The following AOAH variants were observed in gnomAD, a reference collection of about 807,000 sequenced individuals.
AOAH encodes the protein acyloxyacyl hydrolase.
A neutral mutation model predicts 92.2 loss-of-function variants in AOAH; 64 were observed. That is an observed-to-expected ratio of 0.69 (90% CI 0.57 to 0.86). The LOEUF (loss-of-function observed/expected upper bound fraction) is 0.86, where lower values mean the gene tolerates loss of function less well. Among genes scored for constraint, AOAH ranks in the 40% least tolerant of loss-of-function variants. The pLI is 0.00. For synonymous variants in AOAH, 263 were observed against 254.5 expected, an observed-to-expected ratio of 1.03 and a Z score of -0.32; for missense variants, 656 against 694.6, an observed-to-expected ratio of 0.94 and a Z score of 0.62.
chr7:36,663,078 TA>T (rs34724252), intron 3 of AOAH, among the ~76,000 whole-genome samples: 20,278 of 152,216 alleles, frequency 0.13, 1,533 homozygotes, highest in Middle Eastern at 0.18. Flanking sequence ...TGCAAACTCA[TA>T]GGAACAATTC....
chr7:36,540,230 G>C (rs1440849721), intron 16 of AOAH, 89 bp downstream of exon 16: 2 of 1,237,524 alleles, frequency 1.6e-6, no homozygotes, highest in East Asian at 2.6e-5. Context: ...GGCATTTTAG[G>C]CACATTTCTA....
chr7:36,590,041 C>A (rs1222390123), intron 12 of AOAH, among the ~76,000 whole-genome samples: 4 of 152,014 alleles, frequency 2.6e-5, no homozygotes, highest in African/African-American at 9.7e-5. Context: ...CAATCTCAAA[C>A]TCCTGGGCTC....
intron 16 of AOAH, 52 bp downstream of exon 16, chr7:36,540,267 A>G (rs965785729): frequency 1.4e-6 from 2 of 1,474,016 alleles, no homozygotes; most frequent in Non-Finnish European, 1.8e-6. Context: ...TATACATTGA[A>G]CTGTATATAC....
chr7:36,621,654 C>T (rs1417351745), intron 8 of AOAH, 56 bp downstream of exon 8: 2 of 1,538,160 alleles, frequency 1.3e-6, no homozygotes, highest in East Asian at 2.2e-5. Context: ...AAATGTGCCT[C>T]CTGCTTCCTT....
intron 4 of AOAH, among the ~76,000 whole-genome samples, chr7:36,658,365 C>T (rs1795010447): frequency 1.3e-5 from 2 of 152,088 alleles, no homozygotes; most frequent in African/African-American, 2.4e-5. Flanking sequence ...AGAAAAACTA[C>T]AATTCAAGAA....
At chr7:36,527,979 C>T (rs182513023) in intron 19 of AOAH, among the ~76,000 whole-genome samples, 11 of 152,344 alleles carry the variant, frequency 7.2e-5, no homozygotes, top group South Asian at 4.1e-4. Flanking sequence ...GACACTACCA[C>T]GGTTCCTGAA....
chr7:36,533,149 C>T (rs1784797863), intron 16 of AOAH, among the ~76,000 whole-genome samples: 1 of 152,076 alleles, frequency 6.6e-6, no homozygotes, highest in Admixed American at 6.5e-5. Context: ...TCCAACACCG[C>T]TCCACCCCGC....
intron 9 of AOAH, 69 bp from the exon 10 acceptor site, chr7:36,618,414 C>G: frequency 7.0e-7 from 1 of 1,428,516 alleles, no homozygotes; most frequent in Non-Finnish European, 9.8e-7. Flanking sequence ...CTAAAGCTCT[C>G]CTAAATGGCT....
intron 11 of AOAH, among the ~76,000 whole-genome samples, chr7:36,605,748 T>C (rs1790953485): frequency 6.6e-6 from 1 of 152,134 alleles, no homozygotes; most frequent in Non-Finnish European, 1.5e-5. Context: ...AGACGCAGAT[T>C]CTCACCTTGA....
intron 20 of AOAH, among the ~76,000 whole-genome samples, chr7:36,519,694 T>C (rs1357655038): frequency 1.3e-5 from 2 of 152,218 alleles, no homozygotes; most frequent in Non-Finnish European, 2.9e-5. Context: ...CCTCCCAAAG[T>C]GCTGGGATTA....
At position 36,563,147 on chromosome 7, in the gene AOAH, C is replaced by CAAAAA. The variant is rs60240330; in HGVS notation, c.1021+13422_1021+13426dup. On this transcript the variant is annotated intron_variant, in intron 13 of 20. Coordinates refer to ENST00000617537, the MANE Select transcript of AOAH (RefSeq NM_001637.4). ...GTGCAACAAGAATGAAACTCCGTCT[C>CAAAAA]AAAAAAAAAAAAAAAAAAAAAAAAA... Among the ~76,000 whole-genome samples the CAAAAA allele has an allele frequency of 2.5e-4, 9 of 36,060 alleles. 1 individual carries two copies. Among genetic ancestry groups the CAAAAA allele is most frequent in the African/African-American group, 8.6e-4 (9 of 10,500 alleles). 23.7% of individuals were successfully genotyped at this position (36,060 alleles called of 152,430 possible).
intron 1 of AOAH, among the ~76,000 whole-genome samples, chr7:36,706,509 T>C (rs925547199): frequency 6.6e-6 from 1 of 152,148 alleles, no homozygotes; most frequent in Non-Finnish European, 1.5e-5. Context: ...TAAACAAGCA[T>C]TTGCTTTGAC....
In AOAH at chr7:36,698,912, A is replaced by T. The variant is rs532785445; in HGVS notation, c.128-12118T>A. On this transcript the variant is annotated intron_variant, in intron 1 of 20. Coordinates refer to ENST00000617537, the MANE Select transcript of AOAH (RefSeq NM_001637.4). ...TTGAACAGTGGGTATTATTTCTTCTATCTAGGTATGCATTTGTACCCATTA... is the reference window on the plus strand; with the variant it reads ...TTGAACAGTGGGTATTATTTCTTCTTTCTAGGTATGCATTTGTACCCATTA... Among the ~76,000 whole-genome samples, 5 of 152,158 alleles carry T rather than the reference A, an allele frequency of 3.3e-5. No homozygotes were observed. In the South Asian group the frequency reaches 1.0e-3, roughly 32 times the overall value.
intron 13 of AOAH, among the ~76,000 whole-genome samples, chr7:36,557,948 G>C (rs1786901276): frequency 6.6e-6 from 1 of 152,024 alleles, no homozygotes; most frequent in African/African-American, 2.4e-5. Flanking sequence ...CTGTAGCTCG[G>C]AGTAGTTTGA....
chr7:36,557,290 T>C (rs1335492763), intron 13 of AOAH, among the ~76,000 whole-genome samples: 1 of 152,238 alleles, frequency 6.6e-6, no homozygotes, highest in Non-Finnish European at 1.5e-5. Flanking sequence ...AATTCTTTTC[T>C]TTAAGAATGT....
At chr7:36,661,225 G>A (rs1795196211) in intron 3 of AOAH, 1 of 152,226 alleles carries the variant, frequency 6.6e-6, no homozygotes. Flanking sequence ...GTTTCAAGAA[G>A]GACCAATCTG....
intron 11 of AOAH, among the ~76,000 whole-genome samples, chr7:36,615,755 C>T (rs556297467): frequency 6.6e-6 from 1 of 152,334 alleles, no homozygotes; most frequent in South Asian, 2.1e-4. Context: ...TGTCATTCAT[C>T]TGAGTAATGC....
chr7:36,613,043 C>T lies in AOAH; in HGVS notation c.846+3337G>A, dbSNP rs547109737. Among the ~76,000 whole-genome samples the T allele has an allele frequency of 2.8e-4, 42 of 151,880 alleles. 1 individual carries two copies. The highest frequency in any genetic ancestry group is 8.5e-4 in the Admixed American group (13 of 15,258). On this transcript the variant is annotated intron_variant, in intron 11 of 20. Coordinates refer to ENST00000617537, the MANE Select transcript of AOAH (RefSeq NM_001637.4). ...TATATCTAGTTTTTTTTGTGTGCTT[C>T]CTTTTACAATATTATGCTTAGAGAG... is the stretch of plus-strand genomic sequence containing the variant.
intron 1 of AOAH, 21 bp from the exon 2 acceptor site, chr7:36,686,815 A>T (rs1797047809): frequency 8.0e-6 from 12 of 1,492,850 alleles, no homozygotes; most frequent in Non-Finnish European, 9.0e-6. Flanking sequence ...GGAGAAGAAC[A>T]TGTAATCTGT....
Sources: allele counts gnomAD v4.1 joint callset (sites outside exome capture counted in the v4.1 genomes callset), GRCh38; gene constraint gnomAD v4.1.1; transcripts MANE v1.5; gene names NCBI Gene and HGNC (gene_info 2026-07-23, HGNC 2026-07-21).